CNOT4: variants seen among roughly 807,000 people sequenced by gnomAD.
The protein encoded by CNOT4 is CCR4-NOT transcription complex subunit 4.
In CNOT4, 8 loss-of-function variants were observed where a neutral mutation model predicts 73.8. That is an observed-to-expected ratio of 0.11 (90% CI 0.06 to 0.20). The LOEUF is 0.20. Ranked by LOEUF, CNOT4 falls within the 10% of genes least tolerant of loss-of-function variation. CNOT4 has a pLI of 1.00. For synonymous variants in CNOT4, 293 were observed against 321.1 expected (o/e 0.91, Z 0.94); for missense variants, 564 against 883.4 (o/e 0.64, Z 4.58).
intron 1 of CNOT4, among the ~76,000 whole-genome samples, chr7:135,503,419 T>C (rs1353591272): frequency 1.3e-5 from 2 of 150,644 alleles, no homozygotes; most frequent in Non-Finnish European, 2.9e-5. Context: ...GCTAGGATCA[T>C]GCCACTGCAC....
chr7:135,450,367 G>A (rs1800084273), intron 1 of CNOT4, among the ~76,000 whole-genome samples: 1 of 152,104 alleles, frequency 6.6e-6, no homozygotes, highest in Non-Finnish European at 1.5e-5. Flanking sequence ...CACCCAGGCT[G>A]GAGTGCAGTG....
chr7:135,400,678 C>A (rs554052204), intron 7 of CNOT4, among the ~76,000 whole-genome samples: 135 of 152,220 alleles, frequency 8.9e-4, no homozygotes, highest in African/African-American at 3.1e-3. Flanking sequence ...CATCCAACTG[C>A]AATTTCCTAA....
chr7:135,497,675 C>T (rs1263266988), intron 1 of CNOT4, among the ~76,000 whole-genome samples: 1 of 152,146 alleles, frequency 6.6e-6, no homozygotes, highest in African/African-American at 2.4e-5. Flanking sequence ...CAATGATTCC[C>T]CTCTTATCAG....
intron 1 of CNOT4, among the ~76,000 whole-genome samples, chr7:135,467,914 A>G (rs1242987822): frequency 6.6e-6 from 1 of 152,078 alleles, no homozygotes; most frequent in Non-Finnish European, 1.5e-5. Context: ...GTTTACAAAA[A>G]TAAAACATCA....
At chr7:135,462,186 CAG>C (rs1438761066) in intron 1 of CNOT4, among the ~76,000 whole-genome samples, 3 of 151,582 alleles carry the variant, frequency 2.0e-5, no homozygotes, top group Admixed American at 2.0e-4. Context: ...GGAAGACTAA[CAG>C]AGAATTCTAC....
At position 135,448,484 on chromosome 7, in the gene CNOT4, C is replaced by T. The variant is rs554741074; in HGVS notation, c.-92-10061G>A. Among the ~76,000 whole-genome samples, 14 of 127,484 alleles carry T rather than the reference C, an allele frequency of 1.1e-4. No homozygotes were observed. The South Asian group carries it at 3.0e-3, about 27-fold the overall frequency. The allele number at this position is 127,484 out of a possible 152,430, so 83.6% of individuals were successfully genotyped here. ...CCTTGAACCCAGGAGACAGAGGTTG[C>T]GGTGAGCAGAGAATCAGCCTGGGTG... On this transcript the variant is annotated intron_variant, in intron 1 of 11. Transcript: ENST00000541284.
intron 2 of CNOT4, among the ~76,000 whole-genome samples, chr7:135,436,544 T>C (rs1799167196): frequency 6.6e-6 from 1 of 151,810 alleles, no homozygotes; most frequent in African/African-American, 2.4e-5. Flanking sequence ...AAAATTTATA[T>C]AGATTTTTCC....
intron 1 of CNOT4, among the ~76,000 whole-genome samples, chr7:135,460,489 A>G (rs1800811287): frequency 6.6e-6 from 1 of 152,222 alleles, no homozygotes; most frequent in Non-Finnish European, 1.5e-5. Context: ...AGACAGACAG[A>G]GCAATAGCCA....
chr7:135,364,305 G>A lies in CNOT4; in HGVS notation c.1628-239C>T, dbSNP rs1297886184. Among the ~76,000 whole-genome samples, 3 of 152,152 alleles carry A rather than the reference G, an allele frequency of 2.0e-5. No homozygotes were observed. Among genetic ancestry groups the A allele is most frequent in the Non-Finnish European group, 4.4e-5 (3 of 68,026 alleles). On this transcript the variant is annotated intron_variant, in intron 10 of 11. Transcript: ENST00000541284. The surrounding 1 kb of genome is among the most constrained non-coding windows in gnomAD (Gnocchi z 4.3). ...AGAGGGAGGTTCTTGTCTCTCTATA[G>A]CCTCTTCACCATTATGGGTTTGTAA...
At chr7:135,431,613 C>T in intron 2 of CNOT4, among the ~76,000 whole-genome samples, 1 of 151,866 alleles carries the variant, frequency 6.6e-6, no homozygotes, top group East Asian at 1.9e-4. Flanking sequence ...TGTGGTGGCA[C>T]ACGCCTGTAG....
At chr7:135,439,333 G>A (rs2718165) in intron 1 of CNOT4, among the ~76,000 whole-genome samples, 1 of 152,210 alleles carries the variant, frequency 6.6e-6, no homozygotes, top group East Asian at 1.9e-4. Flanking sequence ...AAGAATAAAT[G>A]CATGAGAATC....
intron 1 of CNOT4, among the ~76,000 whole-genome samples, chr7:135,439,770 T>C (rs1799364886): frequency 6.6e-6 from 1 of 152,198 alleles, no homozygotes; most frequent in Non-Finnish European, 1.5e-5. Flanking sequence ...ACAGAGACCC[T>C]GTCTCAAAAT....
intron 10 of CNOT4, chr7:135,388,985 C>T: frequency 8.2e-7 from 1 of 1,215,144 alleles, no homozygotes; most frequent in South Asian, 1.5e-5. Flanking sequence ...AATACTGATA[C>T]ATATATAAAA....
chr7:135,396,060 C>T (rs552869126), intron 8 of CNOT4, among the ~76,000 whole-genome samples, 177 bp from the exon 9 acceptor site: 2 of 148,974 alleles, frequency 1.3e-5, no homozygotes, highest in Non-Finnish European at 3.0e-5. Flanking sequence ...TACATATATA[C>T]TCTTTAAAAA....
At chr7:135,372,666 C>A (rs1044544168) in intron 10 of CNOT4, among the ~76,000 whole-genome samples, 2 of 151,484 alleles carry the variant, frequency 1.3e-5, no homozygotes, top group Non-Finnish European at 2.9e-5. Flanking sequence ...AAGCGATTCT[C>A]CTATCTCAGT....
At chr7:135,398,404 A>G (rs1194762419) in intron 7 of CNOT4, among the ~76,000 whole-genome samples, 178 bp from the exon 8 acceptor site, 1 of 152,118 alleles carries the variant, frequency 6.6e-6, no homozygotes, top group East Asian at 1.9e-4. Flanking sequence ...CAGGTTGAGC[A>G]TCCCAAATCA....
intron 2 of CNOT4, among the ~76,000 whole-genome samples, chr7:135,426,147 G>C (rs959726824): frequency 6.6e-6 from 1 of 152,090 alleles, no homozygotes; most frequent in Non-Finnish European, 1.5e-5. Context: ...ACAGGAGTTC[G>C]AGGCTGCAAT....
At chr7:135,430,407 G>A (rs1420893761) in intron 2 of CNOT4, among the ~76,000 whole-genome samples, 1 of 152,108 alleles carries the variant, frequency 6.6e-6, no homozygotes, top group East Asian at 1.9e-4. Context: ...GGAGGCTGAG[G>A]CAGGAGGAAC....
chr7:135,465,097 A>G (rs1801136054), intron 1 of CNOT4, among the ~76,000 whole-genome samples: 1 of 152,204 alleles, frequency 6.6e-6, no homozygotes, highest in Non-Finnish European at 1.5e-5. Context: ...GTAGATTTTT[A>G]ATAAATCTGG....
Sources: gnomAD v4.1 joint callset for allele counts (sites outside exome capture counted in the v4.1 genomes callset) on GRCh38, gnomAD v4.1.1 for gene constraint, Gnocchi (gnomAD v3.1) non-coding constraint, MANE v1.5 for transcripts, NCBI Gene and HGNC (gene_info 2026-07-23, HGNC 2026-07-21) for gene names.